PTPRG: variants seen among roughly 807,000 people sequenced by gnomAD.
PTPRG encodes the protein receptor-type tyrosine-protein phosphatase gamma.
PTPRG carries 102 observed loss-of-function variants against 165.3 expected under a neutral mutation model. The observed-to-expected ratio is 0.62, with a 90% confidence interval of 0.53 to 0.73. PTPRG has a LOEUF of 0.73. PTPRG is among the 30% of genes least tolerant of loss of function. PTPRG has a pLI of 0.00. For synonymous variants in PTPRG, 675 were observed against 669.5 expected, an observed-to-expected ratio of 1.01 and a Z score of -0.13; for missense variants, 1,866 against 1,861.4, an observed-to-expected ratio of 1.00 and a Z score of -0.05.
At chr3:61,748,851 C>T (rs371121682) in intron 1 of PTPRG, 27 bp from the exon 2 acceptor site, 63 of 1,593,556 alleles carry the variant, frequency 4.0e-5, no homozygotes, top group Non-Finnish European at 5.1e-5. Context: ...CTGCCTTTGT[C>T]TCATTGTGGG....
chr3:61,993,048 G>C (rs1227830803), intron 3 of PTPRG, among the ~76,000 whole-genome samples: 5 of 151,990 alleles, frequency 3.3e-5, no homozygotes, highest in Admixed American at 3.3e-4. Flanking sequence ...GCTCTGTTTT[G>C]TCTGGAACAT....
chr3:61,922,623 C>G (rs1041822572), intron 2 of PTPRG, among the ~76,000 whole-genome samples: 1 of 152,206 alleles, frequency 6.6e-6, no homozygotes, highest in Admixed American at 6.5e-5. Context: ...TGTCATATAA[C>G]TTGCTCCTTA....
At chr3:62,091,686 A>G (rs1701936032) in intron 5 of PTPRG, among the ~76,000 whole-genome samples, 1 of 152,124 alleles carries the variant, frequency 6.6e-6, no homozygotes, top group Non-Finnish European at 1.5e-5. Flanking sequence ...TTGGTTAGAG[A>G]CAATGCCAGC....
chr3:62,104,645 G>A (rs1702410469), intron 5 of PTPRG, among the ~76,000 whole-genome samples: 1 of 152,154 alleles, frequency 6.6e-6, no homozygotes, highest in Non-Finnish European at 1.5e-5. Context: ...GCCAGTTGAG[G>A]ACCTTTTTAA....
chr3:61,861,326 T>G (rs1390733163), intron 2 of PTPRG, among the ~76,000 whole-genome samples: 1 of 152,090 alleles, frequency 6.6e-6, no homozygotes, highest in Non-Finnish European at 1.5e-5. Context: ...ATTGGCACAG[T>G]CACTGCTTCT....
intron 2 of PTPRG, among the ~76,000 whole-genome samples, chr3:61,889,068 G>C (rs188979969): frequency 5.3e-5 from 8 of 152,268 alleles, no homozygotes; most frequent in Admixed American, 5.2e-4. Context: ...GTTTTCTCAA[G>C]TTAAAGTGAC....
At chr3:61,892,624 C>T (rs937164707) in intron 2 of PTPRG, among the ~76,000 whole-genome samples, 1 of 152,084 alleles carries the variant, frequency 6.6e-6, no homozygotes, top group African/African-American at 2.4e-5. Flanking sequence ...TGAGACCAGC[C>T]TGACCAACAT....
At chr3:61,899,308 G>A (rs546044058) in intron 2 of PTPRG, among the ~76,000 whole-genome samples, 1 of 152,226 alleles carries the variant, frequency 6.6e-6, no homozygotes, top group East Asian at 1.9e-4. Context: ...TGACAGGGAA[G>A]AAGAATGAAA....
chr3:61,892,953 TAA>T (rs2038256946), intron 2 of PTPRG, among the ~76,000 whole-genome samples: 1 of 152,202 alleles, frequency 6.6e-6, no homozygotes, highest in South Asian at 2.1e-4. Context: ...GGTTAATAAC[TAA>T]AGAGTAGATA....
intron 2 of PTPRG, among the ~76,000 whole-genome samples, chr3:61,761,469 T>G (rs1559597597): frequency 2.0e-5 from 3 of 152,110 alleles, no homozygotes; most frequent in South Asian, 4.1e-4. Context: ...ACCCAGCTAC[T>G]TGGGAGGCTG....
At chr3:61,639,484 TG>T (rs1702006038) in intron 1 of PTPRG, among the ~76,000 whole-genome samples, 1 of 152,220 alleles carries the variant, frequency 6.6e-6, no homozygotes, top group Non-Finnish European at 1.5e-5. Context: ...GTGTTAAATC[TG>T]TACATTGCTT....
Position 61,817,110 on chromosome 3 carries a change from CAT to C in PTPRG, c.190+68131_190+68132del, listed in dbSNP as rs1259411151. 5.5e-5 allele frequency among the ~76,000 whole-genome samples: 7 copies of C among 127,544 alleles called. 1 individual carries two copies. In the South Asian group the frequency reaches 1.6e-3, roughly 29 times the overall value. The allele number at this position is 127,544 out of a possible 152,430, so 83.7% of individuals were successfully genotyped here. The stretch of plus-strand genomic sequence containing the variant: ...ATATATTACATATTATTACATATTA[CAT>C]ATTACATATGTATTACACATAATAC... On this transcript the variant is annotated intron_variant, in intron 2 of 29. Transcript: ENST00000474889.
At chr3:61,804,865 G>A (rs1364192514) in intron 2 of PTPRG, among the ~76,000 whole-genome samples, 1 of 152,172 alleles carries the variant, frequency 6.6e-6, no homozygotes, top group Non-Finnish European at 1.5e-5. Context: ...TCCCCTTCCT[G>A]ATGTATAAAT....
chr3:62,187,545 GT>G (rs1699693848), intron 8 of PTPRG, among the ~76,000 whole-genome samples: 1 of 152,232 alleles, frequency 6.6e-6, no homozygotes, highest in Non-Finnish European at 1.5e-5. Context: ...ACTCATTCAT[GT>G]TTACATACTA....
intron 17 of PTPRG, among the ~76,000 whole-genome samples, chr3:62,264,668 T>C (rs1008181975): frequency 2.0e-5 from 3 of 152,244 alleles, no homozygotes; most frequent in African/African-American, 4.8e-5. Context: ...TGTGTGGATA[T>C]ACAGCATTTT....
chr3:61,771,631 T>C (rs950224297), intron 2 of PTPRG, among the ~76,000 whole-genome samples: 1 of 152,226 alleles, frequency 6.6e-6, no homozygotes, highest in African/African-American at 2.4e-5. Context: ...ATTGTAACTA[T>C]GCAACTCTTA....
chr3:61,777,155 G>A (rs540193708), intron 2 of PTPRG, among the ~76,000 whole-genome samples: 4 of 152,024 alleles, frequency 2.6e-5, no homozygotes, highest in South Asian at 4.1e-4. Flanking sequence ...AATTTTACTC[G>A]GTAGCTTTAT....
chr3:62,271,614 C>G lies in PTPRG; in HGVS notation c.3182+59C>G, dbSNP rs562120361. On this transcript the variant is annotated intron_variant, in intron 21 of 29. Coordinates refer to ENST00000474889, the MANE Select transcript of PTPRG (RefSeq NM_002841.4). The surrounding 1 kb of genome is among the most constrained non-coding windows in gnomAD (Gnocchi z 4.1). ...GGGCAGGGGACTTAGGCCTCAGTGACCTTGGACCACAATGATTGCTACTGC... is the reference window on the plus strand; with the variant it reads ...GGGCAGGGGACTTAGGCCTCAGTGAGCTTGGACCACAATGATTGCTACTGC... 6.8e-7 allele frequency: 1 copy of G among 1,468,104 alleles called. No homozygotes were observed. The highest frequency in any genetic ancestry group is 2.3e-5 in the East Asian group (1 of 43,104). 90.9% of individuals were successfully genotyped at this position (1,468,104 alleles called of 1,614,324 possible).
chr3:62,126,646 TG>T (rs1703302206), intron 5 of PTPRG, among the ~76,000 whole-genome samples: 1 of 152,238 alleles, frequency 6.6e-6, no homozygotes, highest in African/African-American at 2.4e-5. Context: ...GGTGACATTT[TG>T]CTTATCTGTT....
Sources: allele counts gnomAD v4.1 joint callset (sites outside exome capture counted in the v4.1 genomes callset), GRCh38; gene constraint gnomAD v4.1.1; non-coding constraint Gnocchi (gnomAD v3.1); transcripts MANE v1.5; gene names NCBI Gene and HGNC (gene_info 2026-07-23, HGNC 2026-07-21).